The following PTPRD variants were observed in gnomAD, a reference collection of about 807,000 sequenced individuals.
PTPRD encodes the protein receptor-type tyrosine-protein phosphatase delta.
A neutral mutation model predicts 214.5 loss-of-function variants in PTPRD; 34 were observed. The ratio of observed to expected loss-of-function variants is 0.16; its 90% CI spans 0.12 to 0.21. PTPRD has a LOEUF of 0.21. Ranked by LOEUF, PTPRD falls within the 10% of genes least tolerant of loss-of-function variation. The pLI is 1.00. For synonymous variants in PTPRD, 1,128 were observed against 845.7 expected, an observed-to-expected ratio of 1.33 and a Z score of -5.79; for missense variants, 2,545 against 2,398.7, an observed-to-expected ratio of 1.06 and a Z score of -1.27.
chr9:9,483,835 G>A (rs571791893), intron 8 of PTPRD, among the ~76,000 whole-genome samples: 1 of 137,814 alleles, frequency 7.3e-6, no homozygotes, highest in Non-Finnish European at 1.6e-5. Context: ...TTCGTTCTCT[G>A]TTTGGACCTG....
chr9:8,895,927 T>C (rs752985692), intron 11 of PTPRD, among the ~76,000 whole-genome samples: 3 of 152,238 alleles, frequency 2.0e-5, no homozygotes, highest in Non-Finnish European at 2.9e-5. Flanking sequence ...AGCACACTCC[T>C]AGGAGCCTGT....
intron 3 of PTPRD, among the ~76,000 whole-genome samples, chr9:10,037,396 C>T (rs983740022): frequency 3.3e-5 from 5 of 151,972 alleles, no homozygotes; most frequent in African/African-American, 7.2e-5. Flanking sequence ...GTGTGCAGCA[C>T]CTCTCTGCAC....
intron 8 of PTPRD, among the ~76,000 whole-genome samples, chr9:9,548,397 C>CT (rs1184128772): frequency 8.9e-5 from 12 of 134,590 alleles, no homozygotes; most frequent in South Asian, 2.3e-4. Context: ...GTATATGTGA[C>CT]TTTTTTTCTT....
rs145542773 is a variant in PTPRD, at chr9:9,629,480, C to T, written c.-286-54699G>A. ...TTATTACTGCATATGTAACAGGATGCTGATTGTAATTTGGGGATATTTTTA... is the reference window on the plus strand; with the variant it reads ...TTATTACTGCATATGTAACAGGATGTTGATTGTAATTTGGGGATATTTTTA... On this transcript the variant is annotated intron_variant, in intron 7 of 45. Transcript: ENST00000381196. Among the ~76,000 whole-genome samples the T allele has an allele frequency of 4.7e-3, 719 of 152,116 alleles. 6 individuals are homozygous for T. Among genetic ancestry groups the T allele is most frequent in the African/African-American group, 0.017 (691 of 41,476 alleles).
At chr9:9,460,881 A>C (rs892395752) in intron 8 of PTPRD, among the ~76,000 whole-genome samples, 86 of 152,244 alleles carry the variant, frequency 5.6e-4, no homozygotes, top group African/African-American at 1.7e-3. Flanking sequence ...TCTTACGTTT[A>C]TTGCTGCACT....
chr9:8,958,779 T>C (rs2099144522), intron 11 of PTPRD: 1 of 152,112 alleles, frequency 6.6e-6, no homozygotes, highest in South Asian at 2.1e-4. Flanking sequence ...TGAAGAAGCA[T>C]GTAGTCTTAA....
At chr9:8,725,918 G>A (rs1033427758) in intron 12 of PTPRD, among the ~76,000 whole-genome samples, 1 of 151,940 alleles carries the variant, frequency 6.6e-6, no homozygotes, top group Non-Finnish European at 1.5e-5. Flanking sequence ...CACTAGCTAT[G>A]AATTCTGAAG....
intron 2 of PTPRD, among the ~76,000 whole-genome samples, chr9:10,561,291 C>A (rs999839477): frequency 1.5e-4 from 23 of 151,988 alleles, no homozygotes; most frequent in Non-Finnish European, 4.4e-5. Flanking sequence ...AAACAGAAGA[C>A]CTGAAGCACT....
At chr9:9,908,881 C>T (rs923945837) in intron 5 of PTPRD, among the ~76,000 whole-genome samples, 4 of 151,922 alleles carry the variant, frequency 2.6e-5, no homozygotes, top group Admixed American at 2.0e-4. Flanking sequence ...GGTAACACTT[C>T]TTTGGAGTTT....
chr9:9,346,984 T>C (rs6477391), intron 9 of PTPRD, among the ~76,000 whole-genome samples: 128,626 of 152,070 alleles, frequency 0.85, 54,861 homozygotes, highest in East Asian at 1. Flanking sequence ...TGAGCCATTG[T>C]GCCTGGCCAA....
At chr9:9,207,123 G>A (rs1193659644) in intron 9 of PTPRD, among the ~76,000 whole-genome samples, 1 of 152,144 alleles carries the variant, frequency 6.6e-6, no homozygotes, top group African/African-American at 2.4e-5. Flanking sequence ...AAAAAAACAA[G>A]AAGTCAAGTT....
chr9:8,792,036 G>C (rs2096253787), intron 11 of PTPRD, among the ~76,000 whole-genome samples: 1 of 152,128 alleles, frequency 6.6e-6, no homozygotes, highest in African/African-American at 2.4e-5. Context: ...GAAATTATCT[G>C]TCACAATCAT....
At position 9,840,195 on chromosome 9, in the gene PTPRD, G is replaced by T. The variant is rs1046754701; in HGVS notation, c.-367-73344C>A. Among the ~76,000 whole-genome samples, 4 of 151,792 alleles carry T rather than the reference G, an allele frequency of 2.6e-5. No individual in the cohort carries two copies. In the East Asian group the frequency reaches 7.8e-4, roughly 29 times the overall value. ...TGGCATTACAGGCACTCACCACCAC[G>T]CCCAGCTAATTTTTGCATTTTTTGT... On this transcript the variant is annotated intron_variant, in intron 5 of 45. Coordinates refer to ENST00000381196, the MANE Select transcript of PTPRD (RefSeq NM_002839.4).
At chr9:8,589,483 A>C (rs2093934279) in intron 14 of PTPRD, among the ~76,000 whole-genome samples, 1 of 152,230 alleles carries the variant, frequency 6.6e-6, no homozygotes, top group Non-Finnish European at 1.5e-5. Context: ...AAAACATGGA[A>C]GAAAAAATAT....
intron 3 of PTPRD, among the ~76,000 whole-genome samples, chr9:10,289,026 T>G (rs1025686761): frequency 1.5e-5 from 2 of 132,208 alleles, no homozygotes; most frequent in African/African-American, 3.1e-5. Context: ...ATGGAGAGTT[T>G]TTTTTTTTTT....
chr9:8,934,456 T>C (rs1188469836), intron 11 of PTPRD, among the ~76,000 whole-genome samples: 2 of 31,948 alleles, frequency 6.3e-5, no homozygotes, highest in African/African-American at 4.2e-4. Context: ...TAAATTTATA[T>C]ATATATAAAT....
At chr9:8,821,042 G>C (rs150151714) in intron 11 of PTPRD, among the ~76,000 whole-genome samples, 6 of 152,238 alleles carry the variant, frequency 3.9e-5, no homozygotes, top group African/African-American at 1.4e-4. Flanking sequence ...TTCCCAGCTA[G>C]GGTTGGCTAT....
intron 4 of PTPRD, among the ~76,000 whole-genome samples, chr9:9,963,070 T>C (rs1481116355): frequency 6.6e-6 from 1 of 152,070 alleles, no homozygotes; most frequent in Non-Finnish European, 1.5e-5. Flanking sequence ...ATAAGAGATT[T>C]ATTATTTCAG....
At chr9:8,919,906 A>ATCATGCATACATAGATGTACATGCATGTC (rs2098814781) in intron 11 of PTPRD, among the ~76,000 whole-genome samples, 1 of 152,060 alleles carries the variant, frequency 6.6e-6, no homozygotes, top group Non-Finnish European at 1.5e-5. Context: ...ACATGCATGT[A>ATCATGCATACATAGATGTACATGCATGTC]TGCATAAGTG....
Sources: gnomAD v4.1 joint callset for allele counts (sites outside exome capture counted in the v4.1 genomes callset) on GRCh38, gnomAD v4.1.1 for gene constraint, MANE v1.5 for transcripts, NCBI Gene and HGNC (gene_info 2026-07-23, HGNC 2026-07-21) for gene names.